Variants in PURG observed in about 807,000 individuals in gnomAD.
PURG encodes the protein purine rich element binding protein G.
Under a neutral mutation model 24.3 loss-of-function variants are expected in PURG, and 3 were observed. That is an observed-to-expected ratio of 0.12 (90% CI 0.06 to 0.32). The LOEUF is 0.32. PURG is among the 10% of genes least tolerant of loss of function. The probability of loss-of-function intolerance (pLI) is 1.00; values close to 1 mark genes in which losing one functional copy is unlikely to be tolerated. For synonymous variants in PURG, 180 were observed against 173.1 expected, an observed-to-expected ratio of 1.04 and a Z score of -0.31; for missense variants, 371 against 439.1, an observed-to-expected ratio of 0.84 and a Z score of 1.39.
chr8:31,019,721 TG>T (rs1276262727), intron 1 of PURG, among the ~76,000 whole-genome samples: 1 of 150,828 alleles, frequency 6.6e-6, no homozygotes, highest in African/African-American at 2.4e-5. Flanking sequence ...TTAGTAGAGA[TG>T]GGGTTTCACT....
chr8:31,007,880 T>G (rs1484889887), intron 1 of PURG, among the ~76,000 whole-genome samples: 2 of 152,218 alleles, frequency 1.3e-5, no homozygotes, highest in Non-Finnish European at 2.9e-5. Context: ...CCTCCAGGAA[T>G]AAATCTATGC....
intron 1 of PURG, among the ~76,000 whole-genome samples, chr8:31,008,220 A>C (rs1810693256): frequency 6.6e-6 from 1 of 152,198 alleles, no homozygotes; most frequent in Non-Finnish European, 1.5e-5. Context: ...GGGAAGAATT[A>C]ATAATGATGT....
At chr8:30,995,861 T>A (rs1430141475) in exon 2 of PURG, 1 of 152,016 alleles carries the variant, frequency 6.6e-6, no homozygotes, top group Non-Finnish European at 1.5e-5. Flanking sequence ...ATTCAAGTTA[T>A]TTCATTTTAC....
rs920901723 is a variant in PURG at position 31,004,688 on chromosome 8, A to G, written c.865-7991T>C. Among the ~76,000 whole-genome samples the G allele has an allele frequency of 9.2e-4, 140 of 152,202 alleles. 4 individuals are homozygous for G. Among genetic ancestry groups the G allele is most frequent in the Admixed American group, 9.1e-3 (139 of 15,278 alleles). On this transcript the variant is annotated intron_variant, in intron 1 of 1. Transcript: ENST00000339382. ...ACTCTGTCTCAAAAAAAAACAAAAC[A>G]AAAGAATATCCTTAAATGGGATTAT...
intron 1 of PURG, among the ~76,000 whole-genome samples, chr8:31,023,205 T>A (rs1811029395): frequency 6.6e-6 from 1 of 152,256 alleles, no homozygotes; most frequent in Admixed American, 6.5e-5. Flanking sequence ...TTCTATAGAA[T>A]TTGTTGAAAA....
At chr8:31,013,023 G>A (rs1307258647) in intron 1 of PURG, among the ~76,000 whole-genome samples, 1 of 152,122 alleles carries the variant, frequency 6.6e-6, no homozygotes, top group Non-Finnish European at 1.5e-5. Context: ...TAAGAATCAA[G>A]TTGTGTTTAC....
At chr8:31,026,854 T>A (rs999804570), downstream of PURG, among the ~76,000 whole-genome samples, 1 of 151,472 alleles carries the variant, frequency 6.6e-6, no homozygotes, top group Non-Finnish European at 1.5e-5. Flanking sequence ...TAAAATAGCA[T>A]GTCAAATTAA....
chr8:31,003,060 A>G (rs1810570539), intron 1 of PURG, among the ~76,000 whole-genome samples: 1 of 152,176 alleles, frequency 6.6e-6, no homozygotes, highest in Admixed American at 6.6e-5. Flanking sequence ...TTATACCAAC[A>G]AGATTCTCTT....
At chr8:31,020,310 A>C (rs971216116) in intron 1 of PURG, among the ~76,000 whole-genome samples, 6 of 152,234 alleles carry the variant, frequency 3.9e-5, no homozygotes, top group Non-Finnish European at 5.9e-5. Context: ...TATTCTAGTA[A>C]CTATGAACAA....
At chr8:31,021,810 T>C (rs1810995720) in intron 1 of PURG, among the ~76,000 whole-genome samples, 1 of 152,144 alleles carries the variant, frequency 6.6e-6, no homozygotes, top group African/African-American at 2.4e-5. Flanking sequence ...GGATTAGGAA[T>C]AGTAGCTATA....
intron 1 of PURG, among the ~76,000 whole-genome samples, chr8:31,011,227 G>A (rs779557493): frequency 3.9e-5 from 6 of 152,216 alleles, no homozygotes; most frequent in African/African-American, 1.2e-4. Flanking sequence ...CATGTGACAT[G>A]TATATAGCTA....
intron 1 of PURG, among the ~76,000 whole-genome samples, chr8:31,019,398 A>G (rs1438132270): frequency 1.1e-4 from 15 of 135,186 alleles, no homozygotes; most frequent in Admixed American, 9.6e-4. Flanking sequence ...TAGTGGCTCA[A>G]TCTTGGCTCA....
intron 1 of PURG, among the ~76,000 whole-genome samples, chr8:31,022,290 A>G (rs934680293): frequency 1.3e-5 from 2 of 152,166 alleles, no homozygotes; most frequent in African/African-American, 2.4e-5. Context: ...TTCTGAAATT[A>G]CCTGTCAATC....
chr8:31,028,511 T>C (rs998540538), downstream of PURG, among the ~76,000 whole-genome samples: 5 of 151,856 alleles, frequency 3.3e-5, no homozygotes, highest in African/African-American at 1.2e-4. Flanking sequence ...TAGACAAATG[T>C]GAAATTCTCA....
At chr8:31,002,693 G>T (rs756032058) in intron 1 of PURG, among the ~76,000 whole-genome samples, 6 of 152,058 alleles carry the variant, frequency 3.9e-5, no homozygotes, top group Admixed American at 3.9e-4. Context: ...CACGTTGGCC[G>T]GGCTGGTCTC....
intron 1 of PURG, among the ~76,000 whole-genome samples, chr8:31,018,835 T>C (rs148600027): frequency 6.6e-6 from 1 of 151,726 alleles, no homozygotes; most frequent in African/African-American, 2.4e-5. Flanking sequence ...AAGGTTTATA[T>C]ATAGTTATAG....
rs1242281151 is a variant in PURG, at chr8:31,031,812, A to C, written c.971T>G (p.Ile324Ser). ...FIKYEEEMRK[I>S]CNSHKEKRMD... Reference sequence around the variant, plus strand: ...TCTCTTTTCTTTATGGCTGTTGCAAATTTTCCTCATCTCTTCTTCATACTT... The same window carrying C: ...TCTCTTTTCTTTATGGCTGTTGCAACTTTTCCTCATCTCTTCTTCATACTT... The change falls in exon 2 of 2, where the codon ATT (isoleucine) becomes AGT (serine). Residue 324 changes from isoleucine to serine, a missense_variant. Transcript: ENST00000523392. 3.2e-6 allele frequency: 5 copies of C among 1,561,684 alleles called. No homozygotes were observed. The Admixed American group carries it at 7.7e-5, about 24-fold the overall frequency.
chr8:31,003,925 T>C (rs1810592237), intron 1 of PURG, among the ~76,000 whole-genome samples: 1 of 152,238 alleles, frequency 6.6e-6, no homozygotes. Context: ...AGGGGTGGAC[T>C]AGCCAAAGGC....
chr8:31,003,916 G>C lies in PURG; in HGVS notation c.865-7219C>G, dbSNP rs148118483. ...CTTGAAGGTGGAGATGGTAAGAATA[G>C]GGGTGGACTAGCCAAAGGCCAGCTC... is the stretch of plus-strand genomic sequence containing the variant. On this transcript the variant is annotated intron_variant, in intron 1 of 1. Transcript: ENST00000339382. Among the ~76,000 whole-genome samples the C allele has an allele frequency of 4.7e-3, 717 of 152,330 alleles. 12 individuals are homozygous for C. Among genetic ancestry groups the C allele is most frequent in the African/African-American group, 0.017 (697 of 41,568 alleles).
Sources: allele counts gnomAD v4.1 joint callset (sites outside exome capture counted in the v4.1 genomes callset), GRCh38; gene constraint gnomAD v4.1.1; transcripts MANE v1.5; gene names NCBI Gene and HGNC (gene_info 2026-07-23, HGNC 2026-07-21).